PPP1R16B: variants seen among roughly 807,000 people sequenced by gnomAD.
PPP1R16B encodes protein phosphatase 1 regulatory subunit 16B, also known as protein phosphatase 1 regulatory inhibitor subunit 16B.
Under a neutral mutation model 61.7 loss-of-function variants are expected in PPP1R16B, and 14 were observed. The ratio of observed to expected loss-of-function variants is 0.23; its 90% CI spans 0.15 to 0.35. The LOEUF is 0.35. PPP1R16B is among the 10% of genes least tolerant of loss of function. PPP1R16B has a pLI of 1.00. For synonymous variants in PPP1R16B, 266 were observed against 305.3 expected, an observed-to-expected ratio of 0.87 and a Z score of 1.34; for missense variants, 547 against 752.5, an observed-to-expected ratio of 0.73 and a Z score of 3.19.
At chr20:38,908,228 A>G (rs1201388254) in intron 10 of PPP1R16B, 35 bp downstream of exon 10, 1 of 1,611,868 alleles carries the variant, frequency 6.2e-7, no homozygotes, top group Non-Finnish European at 8.5e-7. Flanking sequence ...AGTGTCAGCC[A>G]CTGCAATGGG....
At chr20:38,881,840 C>A (rs886721139) in intron 2 of PPP1R16B, among the ~76,000 whole-genome samples, 1 of 152,192 alleles carries the variant, frequency 6.6e-6, no homozygotes, top group African/African-American at 2.4e-5. Flanking sequence ...TCCTGTTCTT[C>A]TCTCCGCTGT....
At position 38,889,597 on chromosome 20, in the gene PPP1R16B, C is replaced by T. The variant is rs776263972; in HGVS notation, c.253C>T (p.Arg85Cys). The change falls in exon 3 of 11, where the codon CGC (arginine) becomes TGC (cysteine). Residue 85 changes from arginine to cysteine, a missense_variant and splice_region_variant. Coordinates refer to ENST00000299824, the MANE Select transcript of PPP1R16B (RefSeq NM_015568.4). ...ASLRNDAEEV[R>C]YFLKNKVSPD... Reference sequence around the variant, plus strand: ...ACTCCTGTACCCTCCTATTGCAGTACGCTACTTCCTGAAGAATAAGGTCAG... The same window carrying T: ...ACTCCTGTACCCTCCTATTGCAGTATGCTACTTCCTGAAGAATAAGGTCAG... The T allele has an allele frequency of 3.4e-5, 54 of 1,580,816 alleles. No homozygotes were observed. The highest frequency in any genetic ancestry group is 4.6e-5 in the Non-Finnish European group (53 of 1,149,580).
chr20:38,879,452 C>G (rs950553766), intron 2 of PPP1R16B, among the ~76,000 whole-genome samples: 1 of 152,202 alleles, frequency 6.6e-6, no homozygotes, highest in Non-Finnish European at 1.5e-5. Flanking sequence ...TCACCCCAAC[C>G]TCCATGTGTC....
chr20:38,905,852 C>A, intron 6 of PPP1R16B, 117 bp from the exon 7 acceptor site: 1 of 1,040,856 alleles, frequency 9.6e-7, no homozygotes, highest in Non-Finnish European at 1.4e-6. Context: ...CCATTTCATT[C>A]TATTCCATTC....
intron 1 of PPP1R16B, among the ~76,000 whole-genome samples, chr20:38,820,905 G>A (rs555736109): frequency 1.3e-5 from 2 of 151,804 alleles, no homozygotes; most frequent in African/African-American, 4.8e-5. Context: ...GCTAGGCATG[G>A]TGGCAGGCGC....
chr20:38,855,728 C>G (rs570518810), intron 2 of PPP1R16B, among the ~76,000 whole-genome samples: 1 of 151,562 alleles, frequency 6.6e-6, no homozygotes, highest in Non-Finnish European at 1.5e-5. Flanking sequence ...AGGGCCATGC[C>G]ACCCACCCAG....
intron 1 of PPP1R16B, among the ~76,000 whole-genome samples, chr20:38,822,722 A>T (rs1054780788): frequency 1.3e-5 from 2 of 152,162 alleles, no homozygotes; most frequent in African/African-American, 2.4e-5. Context: ...GATTTAAATT[A>T]AAAATGGAAG....
intron 2 of PPP1R16B, among the ~76,000 whole-genome samples, chr20:38,862,147 G>A (rs916312233): frequency 4.6e-5 from 7 of 152,190 alleles, no homozygotes; most frequent in Admixed American, 4.6e-4. Context: ...CTAGGGGCAG[G>A]GCATGCTGGG....
chr20:38,882,975 G>A (rs2085213765), intron 2 of PPP1R16B, among the ~76,000 whole-genome samples: 1 of 152,228 alleles, frequency 6.6e-6, no homozygotes, highest in Non-Finnish European at 1.5e-5. Context: ...GATTCAGGGA[G>A]GGATTTCCAG....
intron 3 of PPP1R16B, among the ~76,000 whole-genome samples, chr20:38,891,181 C>T (rs923394351): frequency 2.6e-5 from 4 of 152,304 alleles, no homozygotes; most frequent in East Asian, 1.9e-4. Context: ...CCTCCTACTG[C>T]GTGCCAGAAA....
At chr20:38,894,427 C>A (rs973531735) in intron 3 of PPP1R16B, among the ~76,000 whole-genome samples, 1 of 152,238 alleles carries the variant, frequency 6.6e-6, no homozygotes, top group Non-Finnish European at 1.5e-5. Context: ...CAACACAGCT[C>A]CTCACTGTCC....
rs997696337 is a variant in PPP1R16B, at chr20:38,922,838, C to T, written c.*4172C>T. Reference sequence around the variant, plus strand: ...AAAAATCTTCGCAGATCTTTGATATCGTACTGAGGTAACTTCCACGTAGCC... The same window carrying T: ...AAAAATCTTCGCAGATCTTTGATATTGTACTGAGGTAACTTCCACGTAGCC... On this transcript the variant is annotated 3_prime_UTR_variant, in exon 11 of 11. Coordinates refer to ENST00000299824, the MANE Select transcript of PPP1R16B (RefSeq NM_015568.4). The T allele has an allele frequency of 9.2e-5, 14 of 152,464 alleles. No homozygotes were observed. The highest frequency in any genetic ancestry group is 3.8e-4 in the East Asian group (2 of 5,202). 9.4% of individuals were successfully genotyped at this position (152,464 alleles called of 1,614,324 possible).
At chr20:38,896,404 A>C (rs1263346791) in intron 4 of PPP1R16B, among the ~76,000 whole-genome samples, 9 of 141,170 alleles carry the variant, frequency 6.4e-5, no homozygotes, top group Admixed American at 1.4e-4. Context: ...TCCTCTCTTC[A>C]TCTCTCTCTC....
intron 1 of PPP1R16B, among the ~76,000 whole-genome samples, chr20:38,813,798 A>G (rs1226374040): frequency 2.0e-5 from 3 of 147,304 alleles, no homozygotes; most frequent in African/African-American, 7.5e-5. Flanking sequence ...TATTATTATT[A>G]TTATTATTAT....
chr20:38,907,745 C>T lies in PPP1R16B; in HGVS notation c.899-61C>T, dbSNP rs2085455595. On this transcript the variant is annotated intron_variant, in intron 8 of 10. Transcript: ENST00000299824. This position sits in a 1 kb window ranked among gnomAD's most constrained non-coding sequence, Gnocchi z 4.5. Reference sequence around the variant, plus strand: ...GGGTGGCAGCTCCTCTGGTCTGGAGCACCCTCTTGCGCCACAGGTCCTGGC... The same window carrying T: ...GGGTGGCAGCTCCTCTGGTCTGGAGTACCCTCTTGCGCCACAGGTCCTGGC... 3 of 1,586,812 alleles carry T rather than the reference C, an allele frequency of 1.9e-6. No homozygotes were observed. The highest frequency in any genetic ancestry group is 2.0e-4 in the Middle Eastern group (1 of 5,074).
rs1386221046 is a variant in PPP1R16B at position 38,868,902 on chromosome 20, T to C, written c.251-20693T>C. On this transcript the variant is annotated intron_variant, in intron 2 of 10. Coordinates refer to ENST00000299824, the MANE Select transcript of PPP1R16B (RefSeq NM_015568.4). Reference sequence around the variant, plus strand: ...GGACATATGGATTAGGTAAAATATATCATTAAAATATCACCTGTTTTTATT... The same window carrying C: ...GGACATATGGATTAGGTAAAATATACCATTAAAATATCACCTGTTTTTATT... Among the ~76,000 whole-genome samples, 3 of 152,180 alleles carry C rather than the reference T, an allele frequency of 2.0e-5. No individual in the cohort carries two copies. The East Asian group carries it at 5.8e-4, about 29-fold the overall frequency.
At chr20:38,879,409 G>A (rs758551785) in intron 2 of PPP1R16B, among the ~76,000 whole-genome samples, 1 of 152,038 alleles carries the variant, frequency 6.6e-6, no homozygotes, top group African/African-American at 2.4e-5. Context: ...ATACACAAAT[G>A]TCCCCTCACA....
At chr20:38,887,413 T>A (rs1259354125) in intron 2 of PPP1R16B, among the ~76,000 whole-genome samples, 4 of 152,118 alleles carry the variant, frequency 2.6e-5, no homozygotes, top group Non-Finnish European at 2.9e-5. Flanking sequence ...AGGGCTCACA[T>A]CACGCAAGAA....
intron 10 of PPP1R16B, among the ~76,000 whole-genome samples, chr20:38,910,446 C>T (rs1293742768): frequency 1.3e-5 from 2 of 152,082 alleles, no homozygotes; most frequent in African/African-American, 4.8e-5. Flanking sequence ...TTTGTATATG[C>T]ATATGAATGA....
Sources: allele counts gnomAD v4.1 joint callset (sites outside exome capture counted in the v4.1 genomes callset), GRCh38; gene constraint gnomAD v4.1.1; non-coding constraint Gnocchi (gnomAD v3.1); transcripts MANE v1.5; gene names NCBI Gene and HGNC (gene_info 2026-07-23, HGNC 2026-07-21).